Variants in MAU2 observed in about 807,000 individuals in gnomAD.
MAU2 encodes MAU2 sister chromatid cohesion factor.
MAU2 carries 9 observed loss-of-function variants against 89.1 expected under a neutral mutation model. The observed-to-expected ratio is 0.10, with a 90% CI of 0.06 to 0.18. The LOEUF (loss-of-function observed/expected upper bound fraction) is 0.18, where lower values mean the gene tolerates loss of function less well. Ranked by LOEUF, MAU2 falls within the 10% of genes least tolerant of loss-of-function variation. The probability of loss-of-function intolerance (pLI) is 1.00; values close to 1 mark genes in which losing one functional copy is unlikely to be tolerated. For missense variants in MAU2, 425 were observed against 803.5 expected, an observed-to-expected ratio of 0.53 and a Z score of 5.69; for synonymous variants, 357 against 343.4, an observed-to-expected ratio of 1.04 and a Z score of -0.44.
At chr19:19,326,857 A>G (rs951283492) in intron 1 of MAU2, among the ~76,000 whole-genome samples, 8 of 149,864 alleles carry the variant, frequency 5.3e-5, no homozygotes, top group Non-Finnish European at 7.4e-5. Context: ...GTGCCACTGC[A>G]CTCCACCCTG....
intron 1 of MAU2, among the ~76,000 whole-genome samples, chr19:19,333,992 C>T (rs940219457): frequency 5.3e-5 from 8 of 152,214 alleles, no homozygotes; most frequent in Non-Finnish European, 8.8e-5. Flanking sequence ...AGCTCTAGTA[C>T]GGCTCCTCTG....
At chr19:19,355,461 CTTGGCTGTAT>C in intron 18 of MAU2, 70 bp downstream of exon 18, 2 of 1,585,528 alleles carry the variant, frequency 1.3e-6, no homozygotes, top group Non-Finnish European at 1.7e-6. Context: ...GAAGGGGCAC[CTTGGCTGTAT>C]TTCTCTTTTG....
intron 1 of MAU2, among the ~76,000 whole-genome samples, chr19:19,333,282 C>T (rs1044974239): frequency 1.3e-5 from 2 of 152,096 alleles, no homozygotes; most frequent in South Asian, 2.1e-4. Context: ...CCTAGGAACT[C>T]GAGACCAGTC....
intron 4 of MAU2, among the ~76,000 whole-genome samples, chr19:19,338,251 C>T (rs555290935): frequency 4.6e-5 from 7 of 152,366 alleles, no homozygotes; most frequent in South Asian, 2.1e-4. Flanking sequence ...CATCTCCCCA[C>T]GCACTCTTGT....
Position 19,342,239 on chromosome 19 carries a change from A to T in MAU2, c.736-296A>T, listed in dbSNP as rs560842577. Among the ~76,000 whole-genome samples, 7 of 152,168 alleles carry T rather than the reference A, an allele frequency of 4.6e-5. No individual in the cohort carries two copies. The South Asian group carries it at 1.5e-3, about 32-fold the overall frequency. ...CCGTCTCAGGTCTGGCTGCGTGAAG[A>T]CCAAGTGCAGCTCCAGCAGGGTCTG... On this transcript the variant is annotated intron_variant, in intron 7 of 18. Coordinates refer to ENST00000262815, the MANE Select transcript of MAU2 (RefSeq NM_015329.4).
chr19:19,342,970 C>T (rs914313684), intron 9 of MAU2, 104 bp downstream of exon 9: 30 of 1,213,702 alleles, frequency 2.5e-5, no homozygotes, highest in East Asian at 4.7e-5. Context: ...GTGACCGCAG[C>T]GCCCAGCCAC....
intron 1 of MAU2, 61 bp downstream of exon 1, chr19:19,321,196 G>A: frequency 6.9e-7 from 1 of 1,443,898 alleles, no homozygotes; most frequent in Non-Finnish European, 9.1e-7. Context: ...CTGGGCTGAC[G>A]GGTCGCGACC....
At chr19:19,346,636 C>T (rs918907353) in intron 12 of MAU2, among the ~76,000 whole-genome samples, 1 of 152,160 alleles carries the variant, frequency 6.6e-6, no homozygotes, top group African/African-American at 2.4e-5. Context: ...GCTTCCTGGG[C>T]TCACTCCACC....
rs2048204279 is a variant in MAU2, at chr19:19,358,548, G to A, written c.*2766G>A. The A allele has an allele frequency of 6.6e-6, 1 of 152,240 alleles. No homozygotes were observed. Among genetic ancestry groups the A allele is most frequent in the South Asian group, 2.1e-4 (1 of 4,832 alleles). The allele number at this position is 152,240 out of a possible 1,614,324, so 9.4% of individuals were successfully genotyped here. The stretch of plus-strand genomic sequence containing the variant: ...TTCGTTTTGTTAAGGTTTTTAATAA[G>A]TACGTTTGGCATAATGTCTTTTAAT... On this transcript the variant is annotated 3_prime_UTR_variant, in exon 19 of 19. Coordinates refer to ENST00000262815, the MANE Select transcript of MAU2 (RefSeq NM_015329.4).
intron 4 of MAU2, among the ~76,000 whole-genome samples, chr19:19,337,636 T>A (rs2061608105): frequency 1.3e-5 from 2 of 152,162 alleles, no homozygotes; most frequent in Admixed American, 6.5e-5. Context: ...CCAGGAACAT[T>A]TCCTGCCAGA....
chr19:19,342,977 C>A, intron 9 of MAU2, 111 bp downstream of exon 9: 2 of 1,130,458 alleles, frequency 1.8e-6, no homozygotes, highest in Non-Finnish European at 2.6e-6. Context: ...CAGCGCCCAG[C>A]CACCCTGCCT....
At chr19:19,342,975 AGC>A (rs1382952053) in intron 9 of MAU2, 109 bp downstream of exon 9, 1 of 1,159,294 alleles carries the variant, frequency 8.6e-7, no homozygotes, top group African/African-American at 1.5e-5. Context: ...CGCAGCGCCC[AGC>A]CACCCTGCCT....
chr19:19,334,358 C>G (rs1568654484), intron 1 of MAU2: 1 of 985,676 alleles, frequency 1.0e-6, no homozygotes, highest in Non-Finnish European at 1.2e-6. Context: ...GTGTCAGGGG[C>G]TCGGGCTCTC....
At position 19,355,248 on chromosome 19, in the gene MAU2, C is replaced by T; in HGVS notation, c.1640-16C>T. ...ACAGGGCAAGGCGGGCCCCCATGCTCATGTCCCACTCTCAGACCTGAATAA... is the reference window on the plus strand; with the variant it reads ...ACAGGGCAAGGCGGGCCCCCATGCTTATGTCCCACTCTCAGACCTGAATAA... On this transcript the variant is annotated splice_polypyrimidine_tract_variant and intron_variant, in intron 17 of 18. Transcript: ENST00000262815. 3.7e-6 allele frequency: 6 copies of T among 1,613,634 alleles called. No individual in the cohort carries two copies. Among genetic ancestry groups the T allele is most frequent in the East Asian group, 2.2e-5 (1 of 44,880 alleles).
intron 7 of MAU2, among the ~76,000 whole-genome samples, chr19:19,341,795 G>A (rs903467680): frequency 6.6e-6 from 1 of 152,192 alleles, no homozygotes; most frequent in Admixed American, 6.5e-5. Flanking sequence ...GTGGGGTTGA[G>A]TAGGGACTGA....
chr19:19,347,553 G>T, intron 13 of MAU2, 187 bp downstream of exon 13: 1 of 571,452 alleles, frequency 1.7e-6, no homozygotes. Context: ...GCCGGGGGAG[G>T]CCAGGTCTGG....
rs527352602 is a variant in MAU2, at chr19:19,335,822, G to A, written c.294+87G>A. Reference sequence around the variant, plus strand: ...TATCAAAGCTTGAATCCCACCTCCCGACATGCCCTGTGAGTTGAGGCTCGG... The same window carrying A: ...TATCAAAGCTTGAATCCCACCTCCCAACATGCCCTGTGAGTTGAGGCTCGG... On this transcript the variant is annotated intron_variant, in intron 2 of 18. Transcript: ENST00000262815. 3.3e-5 allele frequency: 48 copies of A among 1,474,812 alleles called. No individual in the cohort carries two copies. The East Asian group carries it at 9.5e-4, about 29-fold the overall frequency. 91.4% of individuals were successfully genotyped at this position (1,474,812 alleles called of 1,614,324 possible). A position where few individuals can be genotyped will look rare whatever the true frequency, so the allele number is the denominator to read the frequency against.
intron 1 of MAU2, among the ~76,000 whole-genome samples, chr19:19,332,330 T>TTA (rs1555793567): frequency 6.7e-6 from 1 of 148,854 alleles, no homozygotes; most frequent in African/African-American, 2.5e-5. Flanking sequence ...TGGCTGATTT[T>TTA]TTTTTTTTTT....
chr19:19,343,700 G>T, intron 9 of MAU2, 137 bp from the exon 10 acceptor site: 1 of 690,426 alleles, frequency 1.4e-6, no homozygotes, highest in Non-Finnish European at 2.6e-6. Flanking sequence ...AGAGGGTGCA[G>T]TGGGGACTAG....
Sources: gnomAD v4.1 joint callset for allele counts (sites outside exome capture counted in the v4.1 genomes callset) on GRCh38, gnomAD v4.1.1 for gene constraint, MANE v1.5 for transcripts, NCBI Gene and HGNC (gene_info 2026-07-23, HGNC 2026-07-21) for gene names.